KCNJ5: variants seen among roughly 807,000 people sequenced by gnomAD.
KCNJ5 encodes the protein potassium inwardly rectifying channel subfamily J member 5, also known as G protein-activated inward rectifier potassium channel 4.
Under a neutral mutation model 20.2 loss-of-function variants are expected in KCNJ5, and 12 were observed. The observed-to-expected ratio is 0.59, with a 90% CI of 0.38 to 0.96. KCNJ5 has a LOEUF of 0.96. Among genes scored for constraint, KCNJ5 ranks in the 40% least tolerant of loss-of-function variants. The pLI is 0.00. For synonymous variants in KCNJ5, 210 were observed against 213.9 expected, an observed-to-expected ratio of 0.98 and a Z score of 0.16; for missense variants, 449 against 557.6, an observed-to-expected ratio of 0.81 and a Z score of 1.96.
At chr11:128,903,903 C>T (rs4937388) in intron 1 of KCNJ5, among the ~76,000 whole-genome samples, 1 of 151,454 alleles carries the variant, frequency 6.6e-6, no homozygotes, top group South Asian at 2.1e-4. Context: ...GTGCTCCCCC[C>T]GGGACTCAGA....
Position 128,913,002 on chromosome 11 carries a change from G to A in KCNJ5, c.937+792G>A, listed in dbSNP as rs191417961. On this transcript the variant is annotated intron_variant, in intron 2 of 2. Coordinates refer to ENST00000529694, the MANE Select transcript of KCNJ5 (RefSeq NM_000890.5). ...AGTGTTCTACCCAGAAGAGCTCCCT[G>A]GTCAGATAGCTCTGGTAATCACAGG... is the stretch of plus-strand genomic sequence containing the variant. Among the ~76,000 whole-genome samples, 43 of 152,300 alleles carry A rather than the reference G, an allele frequency of 2.8e-4. 1 individual carries two copies. The East Asian group carries it at 7.9e-3, about 28-fold the overall frequency.
chr11:128,893,192 T>C (rs1326706309), intron 1 of KCNJ5, among the ~76,000 whole-genome samples: 1 of 152,214 alleles, frequency 6.6e-6, no homozygotes, highest in Admixed American at 6.5e-5. Context: ...GCTTGGCTGG[T>C]ATTTTAAACT....
chr11:128,910,500 G>C (rs1944480178), intron 1 of KCNJ5, among the ~76,000 whole-genome samples: 1 of 152,186 alleles, frequency 6.6e-6, no homozygotes, highest in African/African-American at 2.4e-5. Flanking sequence ...CTTTCTGTCT[G>C]CTGCTAAAAG....
chr11:128,910,515 C>T (rs1369171841), intron 1 of KCNJ5, among the ~76,000 whole-genome samples: 1 of 152,162 alleles, frequency 6.6e-6, no homozygotes, highest in Admixed American at 6.5e-5. Context: ...TAAAAGACCT[C>T]AAGATAAATA....
At chr11:128,893,699 A>AG (rs11296838) in intron 1 of KCNJ5, among the ~76,000 whole-genome samples, 27 of 151,446 alleles carry the variant, frequency 1.8e-4, no homozygotes, top group South Asian at 6.3e-4. Context: ...GCCAAGGGTG[A>AG]GGGGGGGGGT....
intron 1 of KCNJ5, chr11:128,899,927 G>C (rs1220843088): frequency 6.6e-6 from 1 of 152,106 alleles, no homozygotes; most frequent in East Asian, 1.9e-4. Context: ...TTCATCCTAA[G>C]CAAATGGGAG....
In KCNJ5 at chr11:128,918,456, A is replaced by T. The variant is rs1409616689; in HGVS notation, c.*1725A>T. 2 of 152,364 alleles carry T rather than the reference A, an allele frequency of 1.3e-5. No homozygotes were observed. Among genetic ancestry groups the T allele is most frequent in the Non-Finnish European group, 2.9e-5 (2 of 68,134 alleles). The allele number at this position is 152,364 out of a possible 1,614,324, so 9.4% of individuals were successfully genotyped here. Reference sequence around the variant, plus strand: ...CAGGTCCCGAAATGTGTGTTGACACACACGGGCTTCGGGTTAGCTGGCCTG... The same window carrying T: ...CAGGTCCCGAAATGTGTGTTGACACTCACGGGCTTCGGGTTAGCTGGCCTG... On this transcript the variant is annotated 3_prime_UTR_variant, in exon 3 of 3. Coordinates refer to ENST00000529694, the MANE Select transcript of KCNJ5 (RefSeq NM_000890.5).
rs1343810770 is a variant in KCNJ5, at chr11:128,917,202, C to A, written c.*471C>A. On this transcript the variant is annotated 3_prime_UTR_variant, in exon 3 of 3. Transcript: ENST00000529694. ...TCTAGTCTGGGATGAGCTCACAGAG[C>A]CCTCATGAGTTAAGATCCATCCATA... The A allele has an allele frequency of 6.2e-6, 1 of 160,884 alleles. No individual in the cohort carries two copies. Among genetic ancestry groups the A allele is most frequent in the Non-Finnish European group, 1.4e-5 (1 of 73,512 alleles). The allele number at this position is 160,884 out of a possible 1,614,324, so 10.0% of individuals were successfully genotyped here. A position where few individuals can be genotyped will look rare whatever the true frequency, so the allele number is the denominator to read the frequency against.
At chr11:128,903,598 G>C in intron 1 of KCNJ5, 1 of 1,452,832 alleles carries the variant, frequency 6.9e-7, no homozygotes, top group Non-Finnish European at 9.5e-7. Flanking sequence ...TGCGGGGGCC[G>C]TTGTCCAAGC....
At chr11:128,895,497 G>T (rs1045763629) in intron 1 of KCNJ5, among the ~76,000 whole-genome samples, 13 of 151,910 alleles carry the variant, frequency 8.6e-5, no homozygotes, top group African/African-American at 2.9e-4. Flanking sequence ...AGTGCCAGCA[G>T]AAGCCATGGG....
At chr11:128,900,576 TTC>T (rs1250788681) in intron 1 of KCNJ5, 10 of 152,274 alleles carry the variant, frequency 6.6e-5, no homozygotes, top group Admixed American at 2.0e-4. Flanking sequence ...TGTTGCCCCA[TTC>T]AGCACCAGCC....
intron 1 of KCNJ5, among the ~76,000 whole-genome samples, chr11:128,910,784 GGA>G (rs1346179859): frequency 2.0e-5 from 3 of 152,170 alleles, no homozygotes; most frequent in Non-Finnish European, 4.4e-5. Flanking sequence ...TCTGATGGTG[GGA>G]GAGAGACTGT....
chr11:128,902,511 G>A (rs200380845), intron 1 of KCNJ5: 7 of 1,560,600 alleles, frequency 4.5e-6, no homozygotes, highest in East Asian at 2.4e-5. Context: ...CCGTCTGCAT[G>A]GGGGAGGGGG....
At chr11:128,909,198 T>A (rs1197370432) in intron 1 of KCNJ5, among the ~76,000 whole-genome samples, 1 of 152,236 alleles carries the variant, frequency 6.6e-6, no homozygotes, top group Non-Finnish European at 1.5e-5. Flanking sequence ...CCAGGACAGC[T>A]GGGATCTACC....
At chr11:128,899,023 T>C (rs1944221921) in intron 1 of KCNJ5, among the ~76,000 whole-genome samples, 1 of 152,204 alleles carries the variant, frequency 6.6e-6, no homozygotes, top group Non-Finnish European at 1.5e-5. Flanking sequence ...TCTCAATGGA[T>C]TTTTCTGTTT....
At chr11:128,895,311 G>A (rs1278538731) in intron 1 of KCNJ5, among the ~76,000 whole-genome samples, 2 of 152,106 alleles carry the variant, frequency 1.3e-5, no homozygotes, top group African/African-American at 4.8e-5. Context: ...GTGGGGTGCA[G>A]TGCAAGAACC....
At chr11:128,899,062 C>T (rs1056748407) in intron 1 of KCNJ5, among the ~76,000 whole-genome samples, 4 of 152,128 alleles carry the variant, frequency 2.6e-5, no homozygotes, top group Non-Finnish European at 5.9e-5. Flanking sequence ...ATTTGTCTAT[C>T]TCCTCTTTCT....
At chr11:128,904,517 G>A (rs750461658) in intron 1 of KCNJ5, 28 of 1,517,206 alleles carry the variant, frequency 1.8e-5, no homozygotes, top group Non-Finnish European at 2.5e-5. Context: ...CGTCCAGGGC[G>A]GAGAGGTCGT....
At chr11:128,896,373 A>G (rs1831067892) in intron 1 of KCNJ5, among the ~76,000 whole-genome samples, 1 of 152,220 alleles carries the variant, frequency 6.6e-6, no homozygotes, top group Non-Finnish European at 1.5e-5. Context: ...AGCCAATAAG[A>G]AAACAACATT....
Sources: allele counts gnomAD v4.1 joint callset (sites outside exome capture counted in the v4.1 genomes callset), GRCh38; gene constraint gnomAD v4.1.1; transcripts MANE v1.5; gene names NCBI Gene and HGNC (gene_info 2026-07-23, HGNC 2026-07-21).